LTBP1: variants seen among roughly 807,000 people sequenced by gnomAD.
LTBP1 encodes the protein latent transforming growth factor beta binding protein 1.
LTBP1 carries 129 observed loss-of-function variants against 207.6 expected under a neutral mutation model. The observed-to-expected ratio is 0.62, with a 90% CI of 0.54 to 0.72. LTBP1 has a LOEUF of 0.72. LTBP1 is among the 30% of genes least tolerant of loss of function. The probability of loss-of-function intolerance (pLI) is 0.00; values close to 1 mark genes in which losing one functional copy is unlikely to be tolerated. For missense variants in LTBP1, 2,281 were observed against 2,217.2 expected, an observed-to-expected ratio of 1.03 and a Z score of -0.58; for synonymous variants, 963 against 833.7, an observed-to-expected ratio of 1.16 and a Z score of -2.67.
chr2:32,992,220 T>C (rs219157), intron 2 of LTBP1, among the ~76,000 whole-genome samples: 40,126 of 152,062 alleles, frequency 0.26, 6,575 homozygotes, highest in Non-Finnish European at 0.38. Flanking sequence ...CCACGTGAAA[T>C]GCATTGGAAA....
intron 1 of LTBP1, 142 bp downstream of exon 1, chr2:32,947,960 C>T (rs2148167002): frequency 1.5e-6 from 1 of 656,952 alleles, no homozygotes; most frequent in Non-Finnish European, 2.2e-6. Context: ...CCCGCCTCCG[C>T]CTGCTCTGGG....
At chr2:33,017,973 G>A (rs846454) in intron 2 of LTBP1, among the ~76,000 whole-genome samples, 68,820 of 151,924 alleles carry the variant, frequency 0.45, 18,114 homozygotes, top group East Asian at 0.71. Context: ...CCTCATCTCC[G>A]TGCTCTAGGG....
At chr2:33,262,641 G>T in intron 13 of LTBP1, 81 bp from the exon 14 acceptor site, 20 of 545,400 alleles carry the variant, frequency 3.7e-5, no homozygotes, top group Non-Finnish European at 3.8e-5. Flanking sequence ...CATAAAAATA[G>T]TAATATGTGG....
intron 26 of LTBP1, among the ~76,000 whole-genome samples, chr2:33,352,870 C>A (rs552401821): frequency 6.6e-6 from 1 of 152,218 alleles, no homozygotes; most frequent in South Asian, 2.1e-4. Context: ...CAAGCCCATG[C>A]CCTGCTCATG....
intron 4 of LTBP1, among the ~76,000 whole-genome samples, chr2:33,130,507 T>G (rs2081713017): frequency 6.6e-6 from 1 of 152,226 alleles, no homozygotes; most frequent in Admixed American, 6.5e-5. Flanking sequence ...TTTTCTAGAC[T>G]GATGTCTGTT....
chr2:33,388,920 G>C (rs1308335685), intron 31 of LTBP1, among the ~76,000 whole-genome samples: 2 of 152,160 alleles, frequency 1.3e-5, no homozygotes, highest in East Asian at 3.8e-4. Flanking sequence ...TTACTGCTCT[G>C]GGATGTGGTC....
At position 33,338,272 on chromosome 2, in the gene LTBP1, C is replaced by T. The variant is rs115918797; in HGVS notation, c.3731-4566C>T. Among the ~76,000 whole-genome samples the T allele has an allele frequency of 3.6e-3, 549 of 152,272 alleles. 3 individuals carry two copies. The highest frequency in any genetic ancestry group is 0.013 in the African/African-American group (522 of 41,564). On this transcript the variant is annotated intron_variant, in intron 24 of 33. Transcript: ENST00000404816. ...TTACAGTAAGTCTGAGACTGCAAGA[C>T]GCCCAGTAATTCATAACCAGCTTGG...
At chr2:33,082,668 G>A (rs1234538665) in intron 3 of LTBP1, among the ~76,000 whole-genome samples, 1 of 151,780 alleles carries the variant, frequency 6.6e-6, no homozygotes, top group Non-Finnish European at 1.5e-5. Flanking sequence ...CTCGTGATCC[G>A]CCTGCCACAG....
At chr2:32,989,832 T>C (rs909298851) in intron 2 of LTBP1, among the ~76,000 whole-genome samples, 2 of 152,224 alleles carry the variant, frequency 1.3e-5, no homozygotes, top group African/African-American at 4.8e-5. Context: ...AGCATCCTCA[T>C]TGGTAAATGG....
At chr2:33,363,581 T>C (rs1055333794) in intron 29 of LTBP1, 63 bp downstream of exon 29, 25 of 1,501,452 alleles carry the variant, frequency 1.7e-5, no homozygotes, top group Non-Finnish European at 2.1e-5. Context: ...AAAATAACTA[T>C]GCTATGTAGT....
At chr2:33,074,268 C>T (rs953705074) in intron 3 of LTBP1, among the ~76,000 whole-genome samples, 2 of 152,198 alleles carry the variant, frequency 1.3e-5, no homozygotes, top group Admixed American at 6.5e-5. Context: ...GGCTGATCTG[C>T]CCAAATGCAG....
chr2:33,275,976 A>G (rs1046316920), intron 18 of LTBP1, 53 bp downstream of exon 18: 1 of 1,511,412 alleles, frequency 6.6e-7, no homozygotes. Context: ...CAGGGTTGGT[A>G]GGCACCTTGC....
intron 19 of LTBP1, among the ~76,000 whole-genome samples, chr2:33,281,532 C>T (rs1334843883): frequency 6.6e-6 from 1 of 152,174 alleles, no homozygotes; most frequent in Non-Finnish European, 1.5e-5. Context: ...TCTTCATTCT[C>T]ATAGCCCTGG....
At chr2:32,959,621 A>ATATATATTTTTTTT (rs1475834284) in intron 2 of LTBP1, among the ~76,000 whole-genome samples, 1 of 36,666 alleles carries the variant, frequency 2.7e-5, no homozygotes, top group Non-Finnish European at 5.0e-5. Context: ...ATATATATAT[A>ATATATATTTTTTTT]TTTTTTTTTT....
At chr2:32,975,840 C>T (rs1207195175) in intron 2 of LTBP1, among the ~76,000 whole-genome samples, 1 of 151,994 alleles carries the variant, frequency 6.6e-6, no homozygotes, top group Non-Finnish European at 1.5e-5. Flanking sequence ...GATTGAGTTT[C>T]AACTTTCTCC....
intron 20 of LTBP1, among the ~76,000 whole-genome samples, chr2:33,298,678 T>G (rs1420535486): frequency 1.3e-5 from 2 of 152,220 alleles, no homozygotes; most frequent in African/African-American, 4.8e-5. Flanking sequence ...AAAATGAAAG[T>G]TACCTTGTTT....
rs574445360 is a variant in LTBP1 at position 33,335,446 on chromosome 2, A to G, written c.3731-7392A>G. Among the ~76,000 whole-genome samples the G allele has an allele frequency of 2.2e-4, 33 of 152,230 alleles. No homozygotes were observed. In the South Asian group the frequency reaches 3.9e-3, roughly 18 times the overall value. ...ATCTCCTAGAACAAAGTTATTTTCC[A>G]TAACACATATGGGCTATATTCCCCA... On this transcript the variant is annotated intron_variant, in intron 24 of 33. Transcript: ENST00000404816.
At chr2:33,326,613 C>A (rs147496123) in intron 24 of LTBP1, among the ~76,000 whole-genome samples, 1 of 129,692 alleles carries the variant, frequency 7.7e-6, no homozygotes, top group Non-Finnish European at 1.6e-5. Context: ...GTCTTCAAAG[C>A]CTACTGAAAA....
chr2:33,164,769 T>C (rs1339680905), intron 5 of LTBP1, among the ~76,000 whole-genome samples: 1 of 152,230 alleles, frequency 6.6e-6, no homozygotes, highest in Non-Finnish European at 1.5e-5. Context: ...ACGATTGACA[T>C]TCATTTGTCA....
Sources: allele counts gnomAD v4.1 joint callset (sites outside exome capture counted in the v4.1 genomes callset), GRCh38; gene constraint gnomAD v4.1.1; transcripts MANE v1.5; gene names NCBI Gene and HGNC (gene_info 2026-07-23, HGNC 2026-07-21).